The following SCN9A variants were observed in gnomAD, a reference collection of about 807,000 sequenced individuals.
The protein encoded by SCN9A is sodium channel protein type 9 subunit alpha.
In SCN9A, 131 loss-of-function variants were observed where a neutral mutation model predicts 187.0. The observed-to-expected ratio is 0.70, with a 90% CI of 0.61 to 0.81. The LOEUF (loss-of-function observed/expected upper bound fraction) is 0.81. SCN9A is among the 30% of genes least tolerant of loss of function. SCN9A has a pLI of 0.00. For synonymous variants in SCN9A, 809 were observed against 808.6 expected (o/e 1.00, Z -0.01); for missense variants, 2,252 against 2,396.6 (o/e 0.94, Z 1.26).
intron 26 of SCN9A, among the ~76,000 whole-genome samples, chr2:166,200,520 A>G (rs1383150714): frequency 6.6e-6 from 1 of 150,724 alleles, no homozygotes; most frequent in Non-Finnish European, 1.5e-5. Context: ...ATCACCTGAA[A>G]TGTCAACAAT....
In SCN9A at chr2:166,346,707, A is replaced by T. The variant is rs900672573; in HGVS notation, c.-51+28990T>A. Among the ~76,000 whole-genome samples, 4 of 152,172 alleles carry T rather than the reference A, an allele frequency of 2.6e-5. No individual in the cohort carries two copies. The East Asian group carries it at 7.7e-4, about 29-fold the overall frequency. ...ACCAAAAGGAATTGGAAACTTACTA[A>T]ATATGGAGCAGGTGCAGAGAAACCT... On this transcript the variant is annotated intron_variant, in intron 1 of 26. Coordinates refer to ENST00000642356, the MANE Select transcript of SCN9A (RefSeq NM_001365536.1).
intron 1 of SCN9A, among the ~76,000 whole-genome samples, chr2:166,336,826 A>C (rs1699640933): frequency 6.6e-6 from 1 of 152,102 alleles, no homozygotes; most frequent in Non-Finnish European, 1.5e-5. Flanking sequence ...TAGTACACTT[A>C]ATAAAGGATA....
At chr2:166,216,224 G>T (rs919527406) in intron 24 of SCN9A, among the ~76,000 whole-genome samples, 1 of 151,964 alleles carries the variant, frequency 6.6e-6, no homozygotes, top group Non-Finnish European at 1.5e-5. Context: ...AGATATGGAA[G>T]GAATGTACCT....
intron 18 of SCN9A, 60 bp from the exon 19 acceptor site, chr2:166,242,716 C>T: frequency 7.6e-7 from 1 of 1,320,840 alleles, no homozygotes; most frequent in South Asian, 1.5e-5. Flanking sequence ...ATTTTTAATA[C>T]ATTATTTAAT....
rs751418995 is a variant in SCN9A, at chr2:166,278,314, CTAAG to C, written c.2344-5_2344-2del. 4 of 1,579,948 alleles carry C rather than the reference CTAAG, an allele frequency of 2.5e-6. No homozygotes were observed. Among genetic ancestry groups the C allele is most frequent in the Non-Finnish European group, 3.4e-6 (4 of 1,167,038 alleles). On this transcript the variant is annotated splice_acceptor_variant and splice_polypyrimidine_tract_variant and intron_variant, in intron 14 of 26. Transcript: ENST00000642356. LOFTEE classifies it high-confidence loss of function. ...CAGCTGCAAAGATTCCAGTAAAGAC[CTAAG>C]TGAGAAAAATAATGTTTTTCTGTTA...
rs1294050663 is a variant in SCN9A at position 166,271,892 on chromosome 2, G to GCA, written c.3351+506_3351+507insTG. Among the ~76,000 whole-genome samples the GCA allele has an allele frequency of 9.5e-5, 14 of 146,704 alleles. No individual in the cohort carries two copies. In the Admixed American group the frequency reaches 1.1e-3, roughly 12 times the overall value. ...AAAAAAGAAGAGAGAGAGAGAGAGAGCGATACTTTGCGGATCATGGATACA... is the reference window on the plus strand; with the variant it reads ...AAAAAAGAAGAGAGAGAGAGAGAGAGCACGATACTTTGCGGATCATGGATACA... On this transcript the variant is annotated intron_variant, in intron 17 of 26. Transcript: ENST00000642356.
intron 1 of SCN9A, among the ~76,000 whole-genome samples, chr2:166,356,814 C>A (rs747078793): frequency 6.6e-6 from 1 of 152,148 alleles, no homozygotes; most frequent in Non-Finnish European, 1.5e-5. Flanking sequence ...CTTTTTATAG[C>A]AGCTTCATAA....
chr2:166,300,118 G>A (rs958881506), intron 7 of SCN9A, among the ~76,000 whole-genome samples: 1 of 150,774 alleles, frequency 6.6e-6, no homozygotes, highest in Non-Finnish European at 1.5e-5. Flanking sequence ...TGCTCAATCA[G>A]TTGTGCACAA....
At position 166,272,736 on chromosome 2, in the gene SCN9A, G is replaced by T. The variant is rs200155076; in HGVS notation, c.3014C>A (p.Thr1005Asn). The T allele has an allele frequency of 3.4e-5, 53 of 1,575,834 alleles. No individual in the cohort carries two copies. The highest frequency in any genetic ancestry group is 4.0e-5 in the Non-Finnish European group (47 of 1,163,232). Residue 1005 changes from threonine (T) to asparagine (N), a missense_variant, in exon 17 of 27, where the codon ACC (threonine) becomes AAC (asparagine). Transcript: ENST00000642356. ...TGCTTTTAGAATAAATTCACGTAAG[G>T]TTTGTTTCACATAATTTATTCCCTT... ...IKKGINYVKQTLREFILKAFS... is the reference protein window; with the variant it reads ...IKKGINYVKQNLREFILKAFS...
chr2:166,322,085 T>C (rs183036253), intron 1 of SCN9A, among the ~76,000 whole-genome samples: 1 of 152,326 alleles, frequency 6.6e-6, no homozygotes, highest in Admixed American at 6.5e-5. Flanking sequence ...AGGACAAAGA[T>C]ACTAAAAGAA....
Position 166,197,697 on chromosome 2 carries a change from T to TCAA in SCN9A, c.*972_*974dup, listed in dbSNP as rs1278882551. ...TAACTGCATATCAGGAAGGATTTCATCAACTTTGCTTACAGCGAAAGGATG... is the reference window on the plus strand; with the variant it reads ...TAACTGCATATCAGGAAGGATTTCATCAACAACTTTGCTTACAGCGAAAGGATG... On this transcript the variant is annotated 3_prime_UTR_variant, in exon 27 of 27. Coordinates refer to ENST00000642356, the MANE Select transcript of SCN9A (RefSeq NM_001365536.1). 2 of 152,180 alleles carry TCAA rather than the reference T, an allele frequency of 1.3e-5. No individual in the cohort carries two copies. The highest frequency in any genetic ancestry group is 2.9e-5 in the Non-Finnish European group (2 of 68,014). The allele number at this position is 152,180 out of a possible 1,614,324, so 9.4% of individuals were successfully genotyped here. A position where few individuals can be genotyped will look rare whatever the true frequency, so the allele number is the denominator to read the frequency against.
chr2:166,366,494 A>C (rs1437597719), intron 1 of SCN9A, among the ~76,000 whole-genome samples: 1 of 152,190 alleles, frequency 6.6e-6, no homozygotes, highest in Admixed American at 6.5e-5. Context: ...AGAAGTGCAT[A>C]TATCTCTTTG....
chr2:166,353,443 T>A (rs1242312150), intron 1 of SCN9A, among the ~76,000 whole-genome samples: 2 of 152,208 alleles, frequency 1.3e-5, no homozygotes, highest in Non-Finnish European at 2.9e-5. Flanking sequence ...ATGTCTTTGG[T>A]CTGTCATAGA....
At position 166,233,443 on chromosome 2, in the gene SCN9A, A is replaced by G; in HGVS notation, c.3821T>C (p.Val1274Ala). ...LIVDVSLVTL[V>A]ANTLGYSDLG... ...ATCTGAGTAGCCAAGAGTGTTTGCC[A>G]CTAAAGTAACCAAAGAAACCTATAA... is the stretch of plus-strand genomic sequence containing the variant. The change falls in exon 21 of 27, where the codon GTG becomes GCG. Residue 1274 changes from valine (V) to alanine (A), a missense_variant. Around this residue, in one of 7 missense-constraint regions of SCN9A, gnomAD observed 368 missense variants for 408.6 expected, o/e 0.90. Coordinates refer to ENST00000642356, the MANE Select transcript of SCN9A (RefSeq NM_001365536.1). 1.3e-6 allele frequency: 2 copies of G among 1,572,646 alleles called. No individual in the cohort carries two copies. The highest frequency in any genetic ancestry group is 1.7e-6 in the Non-Finnish European group (2 of 1,167,256).
At position 166,198,919 on chromosome 2, in the gene SCN9A, T is replaced by A. The variant is rs759757550; in HGVS notation, c.5720A>T (p.Gln1907Leu). The change falls in exon 27 of 27, where the codon CAA becomes CTA. Residue 1907 changes from glutamine (Q) to leucine (L), a missense_variant. Coordinates refer to ENST00000642356, the MANE Select transcript of SCN9A (RefSeq NM_001365536.1). ...QRAYRRYRLR[Q>L]NVKNISSIYI... ...TATACTTGATATATTTTTGACATTT[T>A]GCCTTAAGCGGTAACGTCTATAAGC... The A allele has an allele frequency of 6.2e-7, 1 of 1,613,988 alleles. No individual in the cohort carries two copies. The highest frequency in any genetic ancestry group is 8.5e-7 in the Non-Finnish European group (1 of 1,179,868).
intron 1 of SCN9A, among the ~76,000 whole-genome samples, chr2:166,331,011 A>C (rs899084985): frequency 6.6e-6 from 1 of 152,196 alleles, no homozygotes. Context: ...AAATGCAAAA[A>C]TACAAGGGCA....
At chr2:166,219,547 C>A (rs115005725) in intron 24 of SCN9A, among the ~76,000 whole-genome samples, 1 of 151,916 alleles carries the variant, frequency 6.6e-6, no homozygotes, top group African/African-American at 2.4e-5. Context: ...TAAAGGGTAA[C>A]AACACACACT....
At chr2:166,362,296 C>G (rs1020134035) in intron 1 of SCN9A, among the ~76,000 whole-genome samples, 1 of 151,938 alleles carries the variant, frequency 6.6e-6, no homozygotes, top group Non-Finnish European at 1.5e-5. Flanking sequence ...TCTCTGCTCT[C>G]TCTTGGAACT....
chr2:166,355,745 T>C lies in SCN9A; in HGVS notation c.-51+19952A>G, dbSNP rs571065554. Among the ~76,000 whole-genome samples the C allele has an allele frequency of 3.9e-5, 6 of 152,250 alleles. No individual in the cohort carries two copies. In the South Asian group the frequency reaches 1.2e-3, roughly 32 times the overall value. Reference sequence around the variant, plus strand: ...TGTTTTCCCATTGGGAGGGCAGTTTTATTTTCATGACATATTTCTGGGAAA... The same window carrying C: ...TGTTTTCCCATTGGGAGGGCAGTTTCATTTTCATGACATATTTCTGGGAAA... On this transcript the variant is annotated intron_variant, in intron 1 of 26. Transcript: ENST00000642356.
Sources: allele counts gnomAD v4.1 joint callset (sites outside exome capture counted in the v4.1 genomes callset), GRCh38; gene constraint gnomAD v4.1.1; regional missense constraint gnomAD v4.1.1; transcripts MANE v1.5; gene names NCBI Gene and HGNC (gene_info 2026-07-23, HGNC 2026-07-21).